The following SRD5A1 variants were observed in gnomAD, a reference collection of about 807,000 sequenced individuals.
The protein encoded by SRD5A1 is steroid 5 alpha-reductase 1, also known as 3-oxo-5-alpha-steroid 4-dehydrogenase 1.
In SRD5A1, 22 loss-of-function variants were observed where a neutral mutation model predicts 28.2. The ratio of observed to expected loss-of-function variants is 0.78; its 90% confidence interval spans 0.56 to 1.12. The LOEUF (loss-of-function observed/expected upper bound fraction) is 1.12. SRD5A1 is among the 50% of genes most tolerant of loss of function. SRD5A1 has a pLI of 0.00. For missense variants in SRD5A1, 300 were observed against 346.7 expected (o/e 0.87, Z 1.07); for synonymous variants, 151 against 135.0 (o/e 1.12, Z -0.82).
At chr5:6,668,103 T>C in intron 4 of SRD5A1, 99 bp from the exon 5 acceptor site, 1 of 726,218 alleles carries the variant, frequency 1.4e-6, no homozygotes, top group Non-Finnish European at 2.2e-6. Context: ...TTTAAAAAAC[T>C]GAGTACTCTT....
chr5:6,668,263 T>C lies in SRD5A1; in HGVS notation c.775T>C (p.Phe259Leu), dbSNP rs1271683303. ...CAGAAAAATTATAATTCCATTTTTG[T>C]TTTAAGTGCGTTTTTCATGAAATTA... is the stretch of plus-strand genomic sequence containing the variant. ...KFRKIIIPFL[F>L] The change falls in exon 5 of 5, where the codon TTT becomes CTT. Residue 259 changes from phenylalanine (F) to leucine (L), a missense_variant. Phe to Leu is a conservative substitution (Grantham distance 22). This residue lies in a region of SRD5A1 where 126 missense variants were observed against 185.7 expected (regional missense o/e 0.68). Coordinates refer to ENST00000274192, the MANE Select transcript of SRD5A1 (RefSeq NM_001047.4). 3 of 1,578,884 alleles carry C rather than the reference T, an allele frequency of 1.9e-6. No individual in the cohort carries two copies. Among genetic ancestry groups the C allele is most frequent in the Non-Finnish European group, 2.6e-6 (3 of 1,158,300 alleles).
chr5:6,643,217 C>T (rs1738414962), intron 1 of SRD5A1, among the ~76,000 whole-genome samples: 1 of 152,130 alleles, frequency 6.6e-6, no homozygotes, highest in African/African-American at 2.4e-5. Flanking sequence ...ATGTGAACTC[C>T]TCAAATAAAC....
intron 4 of SRD5A1, among the ~76,000 whole-genome samples, chr5:6,664,984 G>C (rs527306491): frequency 9.8e-5 from 15 of 152,400 alleles, no homozygotes; most frequent in Middle Eastern, 3.4e-3. Flanking sequence ...CCAGGAATGG[G>C]CCTTCTGTGC....
intron 1 of SRD5A1, among the ~76,000 whole-genome samples, chr5:6,634,241 C>G (rs946751053): frequency 3.3e-5 from 5 of 152,236 alleles, no homozygotes; most frequent in Non-Finnish European, 7.3e-5. Context: ...ATGGAAGAAT[C>G]GCTTGAACCC....
chr5:6,674,043 C>G lies in SRD5A1; in HGVS notation c.*5775C>G, dbSNP rs1317553627. Reference sequence around the variant, plus strand: ...TGGATATAGAATATTATGCATTTTTCAAAACACATAGAATATACAACATGA... The same window carrying G: ...TGGATATAGAATATTATGCATTTTTGAAAACACATAGAATATACAACATGA... On this transcript the variant is annotated 3_prime_UTR_variant, in exon 5 of 5. Transcript: ENST00000274192. 1 of 151,794 alleles carries G rather than the reference C, an allele frequency of 6.6e-6. No individual in the cohort carries two copies. Among genetic ancestry groups the G allele is most frequent in the Non-Finnish European group, 1.5e-5 (1 of 67,960 alleles). The allele number at this position is 151,794 out of a possible 1,614,324, so 9.4% of individuals were successfully genotyped here. A position where few individuals can be genotyped will look rare whatever the true frequency, so the allele number is the denominator to read the frequency against.
intron 1 of SRD5A1, among the ~76,000 whole-genome samples, chr5:6,643,149 G>A (rs760094414): frequency 2.2e-4 from 33 of 151,712 alleles, no homozygotes; most frequent in Non-Finnish European, 2.8e-4. Flanking sequence ...TATTCTCACC[G>A]GTAGTTGTTC....
In SRD5A1 at chr5:6,669,622, C is replaced by T. The variant is rs1222820293; in HGVS notation, c.*1354C>T. The T allele has an allele frequency of 6.6e-6, 1 of 152,152 alleles. No homozygotes were observed. Among genetic ancestry groups the T allele is most frequent in the African/African-American group, 2.4e-5 (1 of 41,434 alleles). The allele number at this position is 152,152 out of a possible 1,614,324, so 9.4% of individuals were successfully genotyped here. ...TCGAAACATTCTTTCATCATATTTC[C>T]TGTTTTTATTTGGTTTTTTCAACTT... On this transcript the variant is annotated 3_prime_UTR_variant, in exon 5 of 5. Transcript: ENST00000274192.
chr5:6,668,304 T>TAA lies in SRD5A1; in HGVS notation c.*36_*37insAA. ...CATGAAATTATCTTCAACTTGAAGC[T>TAA]TTCCAATGGCGCTTCTCTATGGACT... is the stretch of plus-strand genomic sequence containing the variant. On this transcript the variant is annotated 3_prime_UTR_variant, in exon 5 of 5. Coordinates refer to ENST00000274192, the MANE Select transcript of SRD5A1 (RefSeq NM_001047.4). The TAA allele has an allele frequency of 8.0e-7, 1 of 1,251,160 alleles. No individual in the cohort carries two copies. Among genetic ancestry groups the TAA allele is most frequent in the Non-Finnish European group, 1.1e-6 (1 of 874,398 alleles). 77.5% of individuals were successfully genotyped at this position (1,251,160 alleles called of 1,614,324 possible). A position where few individuals can be genotyped will look rare whatever the true frequency, so the allele number is the denominator to read the frequency against.
chr5:6,656,219 G>GCCAGGAA, intron 3 of SRD5A1, 40 bp downstream of exon 3: 1 of 1,546,874 alleles, frequency 6.5e-7, no homozygotes, highest in Non-Finnish European at 8.9e-7. Flanking sequence ...AAAGTTGCTT[G>GCCAGGAA]CCATGGTTCC....
intron 3 of SRD5A1, among the ~76,000 whole-genome samples, chr5:6,658,142 T>C (rs1440060328): frequency 1.3e-5 from 2 of 152,022 alleles, no homozygotes; most frequent in Non-Finnish European, 2.9e-5. Flanking sequence ...CTGGCCAACA[T>C]GGTAAAACCC....
At chr5:6,664,664 C>T (rs1274951603) in intron 4 of SRD5A1, among the ~76,000 whole-genome samples, 1 of 152,272 alleles carries the variant, frequency 6.6e-6, no homozygotes, top group Non-Finnish European at 1.5e-5. Context: ...CCTCAGCCTC[C>T]TGAAGTGCTA....
chr5:6,636,356 G>A (rs1359094760), intron 1 of SRD5A1, among the ~76,000 whole-genome samples: 1 of 152,184 alleles, frequency 6.6e-6, no homozygotes, highest in African/African-American at 2.4e-5. Flanking sequence ...CACACCCGGT[G>A]AGAGGAGGCT....
chr5:6,667,034 G>GTGC (rs1241264995), intron 4 of SRD5A1, among the ~76,000 whole-genome samples: 2 of 152,250 alleles, frequency 1.3e-5, no homozygotes, highest in Non-Finnish European at 2.9e-5. Flanking sequence ...GCACTTGCAA[G>GTGC]TGCTGGATGG....
intron 3 of SRD5A1, among the ~76,000 whole-genome samples, chr5:6,658,400 G>A (rs547958228): frequency 2.0e-5 from 3 of 152,262 alleles, no homozygotes; most frequent in African/African-American, 7.2e-5. Context: ...CACCTGCGAC[G>A]AACCCGCAAT....
intron 1 of SRD5A1, among the ~76,000 whole-genome samples, chr5:6,634,970 A>G (rs185251149): frequency 3.3e-4 from 50 of 152,378 alleles, no homozygotes; most frequent in Non-Finnish European, 5.6e-4. Context: ...CTGTGTGACT[A>G]TGGGCAGTTT....
At chr5:6,634,504 C>T (rs1351344825) in intron 1 of SRD5A1, among the ~76,000 whole-genome samples, 2 of 152,144 alleles carry the variant, frequency 1.3e-5, no homozygotes, top group Non-Finnish European at 2.9e-5. Flanking sequence ...TGCCGGTTCC[C>T]CTTTTGGTAT....
rs1429463454 is a variant in SRD5A1, at chr5:6,672,974, A to C, written c.*4706A>C. 1 of 152,226 alleles carries C rather than the reference A, an allele frequency of 6.6e-6. No homozygotes were observed. The highest frequency in any genetic ancestry group is 1.9e-4 in the East Asian group (1 of 5,196). 9.4% of individuals were successfully genotyped at this position (152,226 alleles called of 1,614,324 possible). The stretch of plus-strand genomic sequence containing the variant: ...TCTAGCTCTTTGTAAGGTAATTGAC[A>C]GTCTGAGTTAGTTGCTTCCCCCACT... On this transcript the variant is annotated 3_prime_UTR_variant, in exon 5 of 5. Coordinates refer to ENST00000274192, the MANE Select transcript of SRD5A1 (RefSeq NM_001047.4).
rs1439436766 is a variant in SRD5A1, at chr5:6,674,245, A to G, written c.*5977A>G. 2.6e-5 allele frequency: 4 copies of G among 152,162 alleles called. No homozygotes were observed. Among genetic ancestry groups the G allele is most frequent in the Non-Finnish European group, 4.4e-5 (3 of 68,020 alleles). 9.4% of individuals were successfully genotyped at this position (152,162 alleles called of 1,614,324 possible). On this transcript the variant is annotated 3_prime_UTR_variant, in exon 5 of 5. Coordinates refer to ENST00000274192, the MANE Select transcript of SRD5A1 (RefSeq NM_001047.4). ...TATCATCAACTGTAACTAGTGTACAACACTAATGCAAGATGTTAATAGGGG... is the reference window on the plus strand; with the variant it reads ...TATCATCAACTGTAACTAGTGTACAGCACTAATGCAAGATGTTAATAGGGG...
intron 2 of SRD5A1, among the ~76,000 whole-genome samples, chr5:6,652,608 C>T (rs972968004): frequency 1.3e-5 from 2 of 152,116 alleles, no homozygotes; most frequent in African/African-American, 4.8e-5. Context: ...TGCAGTGGCT[C>T]ACACTGTAAT....
Sources: gnomAD v4.1 joint callset for allele counts (sites outside exome capture counted in the v4.1 genomes callset) on GRCh38, gnomAD v4.1.1 for gene constraint, gnomAD v4.1.1 regional missense constraint, MANE v1.5 for transcripts, NCBI Gene and HGNC (gene_info 2026-07-23, HGNC 2026-07-21) for gene names.